The following RORA variants were observed in gnomAD, a reference collection of about 807,000 sequenced individuals.
The protein encoded by RORA is RAR related orphan receptor A, also known as nuclear receptor ROR-alpha.
Under a neutral mutation model 69.5 loss-of-function variants are expected in RORA, and 7 were observed. The observed-to-expected ratio is 0.10, with a 90% CI of 0.06 to 0.19. The LOEUF (loss-of-function observed/expected upper bound fraction) is 0.19. Among genes scored for constraint, RORA ranks in the 10% least tolerant of loss-of-function variants. The probability of loss-of-function intolerance (pLI) is 1.00; values close to 1 mark genes in which losing one functional copy is unlikely to be tolerated. For synonymous variants in RORA, 261 were observed against 240.8 expected (o/e 1.08, Z -0.78); for missense variants, 457 against 663.0 (o/e 0.69, Z 3.41).
chr15:60,558,284 G>A, intron 2 of RORA: 1 of 1,612,422 alleles, frequency 6.2e-7, no homozygotes, highest in Non-Finnish European at 8.5e-7. Flanking sequence ...TGGAGTATTT[G>A]GAGAATCCCA....
At chr15:61,099,117 C>T (rs868167223) in intron 1 of RORA, among the ~76,000 whole-genome samples, 28 of 152,130 alleles carry the variant, frequency 1.8e-4, no homozygotes, top group Admixed American at 5.9e-4. Flanking sequence ...TTATCTTTCA[C>T]GTATTGTCAA....
chr15:60,491,488 A>T lies in RORA; in HGVS notation c.*5967T>A, dbSNP rs1424686081. Reference sequence around the variant, plus strand: ...ATTCACTTTCTCAATATAAGACTCCATGTTATGTTGCATCACTGACAAAAG... The same window carrying T: ...ATTCACTTTCTCAATATAAGACTCCTTGTTATGTTGCATCACTGACAAAAG... On this transcript the variant is annotated 3_prime_UTR_variant, in exon 11 of 11. Transcript: ENST00000335670. 1 of 152,076 alleles carries T rather than the reference A, an allele frequency of 6.6e-6. No homozygotes were observed. The highest frequency in any genetic ancestry group is 2.1e-4 in the South Asian group (1 of 4,814). 9.4% of individuals were successfully genotyped at this position (152,076 alleles called of 1,614,324 possible).
intron 1 of RORA, among the ~76,000 whole-genome samples, chr15:60,823,070 C>CCCTT (rs200918597): frequency 0.043 from 5,811 of 135,668 alleles, 159 homozygotes; most frequent in Admixed American, 0.076. Context: ...TCCCCTCCCT[C>CCCTT]CCTTCCTTCC....
At chr15:60,985,358 T>A (rs2140364190) in intron 1 of RORA, among the ~76,000 whole-genome samples, 1 of 151,388 alleles carries the variant, frequency 6.6e-6, no homozygotes, top group African/African-American at 2.4e-5. Context: ...TTTTTTAAAT[T>A]AGGTAGAAAA....
Position 60,640,359 on chromosome 15 carries a change from A to G in RORA, c.196+38298T>C, listed in dbSNP as rs117804662. Among the ~76,000 whole-genome samples, 80 of 152,298 alleles carry G rather than the reference A, an allele frequency of 5.3e-4. 1 individual carries two copies. In the East Asian group the frequency reaches 0.013, roughly 25 times the overall value. On this transcript the variant is annotated intron_variant, in intron 2 of 10. Coordinates refer to ENST00000335670, the MANE Select transcript of RORA (RefSeq NM_134261.3). ...TTGTCATTGCTGCCATGTCAGTCCA[A>G]CGTGTAGGCCGTTGCGATGCCTTCC...
At chr15:60,938,481 C>T (rs1217670487) in intron 1 of RORA, among the ~76,000 whole-genome samples, 1 of 152,096 alleles carries the variant, frequency 6.6e-6, no homozygotes, top group African/African-American at 2.4e-5. Flanking sequence ...GCTTAGAGGT[C>T]GTGTGCAAAG....
intron 1 of RORA, among the ~76,000 whole-genome samples, chr15:60,731,167 A>C (rs1194210646): frequency 1.3e-5 from 2 of 152,230 alleles, no homozygotes; most frequent in Non-Finnish European, 2.9e-5. Flanking sequence ...AGCCATATGG[A>C]GTAAACAACT....
intron 1 of RORA, among the ~76,000 whole-genome samples, chr15:60,858,674 C>T (rs1239808716): frequency 8.2e-6 from 1 of 122,066 alleles, no homozygotes; most frequent in East Asian, 2.3e-4. Flanking sequence ...TTTTCAGATT[C>T]ATTAAAAAGA....
At chr15:60,638,394 T>C (rs1472952272) in intron 2 of RORA, among the ~76,000 whole-genome samples, 8 of 151,478 alleles carry the variant, frequency 5.3e-5, no homozygotes, top group African/African-American at 1.9e-4. Context: ...TTCTTTTTTT[T>C]TTTTTTTTGT....
intron 2 of RORA, chr15:60,593,111 A>C (rs2068587823): frequency 3.1e-6 from 1 of 327,772 alleles, no homozygotes; most frequent in Non-Finnish European, 6.0e-6. Context: ...AGCTCCTCCG[A>C]AGTCTTTCTG....
intron 1 of RORA, among the ~76,000 whole-genome samples, chr15:61,067,889 C>A (rs1331472832): frequency 6.6e-6 from 1 of 152,210 alleles, no homozygotes; most frequent in Non-Finnish European, 1.5e-5. Context: ...TTAGCCCTGT[C>A]AGATCCTTCC....
chr15:60,705,393 T>A (rs2071047094), intron 1 of RORA, among the ~76,000 whole-genome samples: 2 of 152,268 alleles, frequency 1.3e-5, no homozygotes, highest in South Asian at 2.1e-4. Context: ...ATTATCAATT[T>A]GTAGACTATC....
rs528686705 is a variant in RORA at position 60,696,523 on chromosome 15, T to C, written c.167-17837A>G. Among the ~76,000 whole-genome samples the C allele has an allele frequency of 2.0e-5, 3 of 152,312 alleles. No homozygotes were observed. In the South Asian group the frequency reaches 6.2e-4, roughly 32 times the overall value. On this transcript the variant is annotated intron_variant, in intron 1 of 10. Transcript: ENST00000335670. Reference sequence around the variant, plus strand: ...TCTGATTTCCTATAGTTTTAAAGCCTTTCCACTCTACCCTCCTTTTCTCCC... The same window carrying C: ...TCTGATTTCCTATAGTTTTAAAGCCCTTCCACTCTACCCTCCTTTTCTCCC...
intron 8 of RORA, among the ~76,000 whole-genome samples, chr15:60,502,270 G>T (rs1215343568): frequency 6.6e-6 from 1 of 152,248 alleles, no homozygotes; most frequent in African/African-American, 2.4e-5. Context: ...ATGAGTCACC[G>T]CACCTGGCCC....
chr15:60,493,994 C>A lies in RORA; in HGVS notation c.*3461G>T. On this transcript the variant is annotated 3_prime_UTR_variant, in exon 11 of 11. Coordinates refer to ENST00000335670, the MANE Select transcript of RORA (RefSeq NM_134261.3). ...ACACACACACACACACACACTCCTT[C>A]CTCACCTGACCCTCAGCCCACCCCC... The A allele has an allele frequency of 6.6e-6, 1 of 151,614 alleles. No individual in the cohort carries two copies. Among genetic ancestry groups the A allele is most frequent in the Non-Finnish European group, 1.5e-5 (1 of 68,348 alleles). The allele number at this position is 151,614 out of a possible 1,614,324, so 9.4% of individuals were successfully genotyped here.
intron 1 of RORA, among the ~76,000 whole-genome samples, chr15:60,958,567 T>C (rs1566925177): frequency 6.6e-6 from 1 of 152,168 alleles, no homozygotes; most frequent in African/African-American, 2.4e-5. Context: ...TGGAATTTTA[T>C]CCCTGTTTTA....
chr15:60,882,539 G>T (rs929515993), intron 1 of RORA, among the ~76,000 whole-genome samples: 4 of 152,064 alleles, frequency 2.6e-5, no homozygotes, highest in Admixed American at 6.5e-5. Context: ...GTTTGGAGGT[G>T]GTAGAGCTAC....
At chr15:60,640,374 C>T (rs1363599765) in intron 2 of RORA, among the ~76,000 whole-genome samples, 2 of 152,152 alleles carry the variant, frequency 1.3e-5, no homozygotes, top group Admixed American at 1.3e-4. Flanking sequence ...TAGGCCGTTG[C>T]GATGCCTTCC....
chr15:60,911,361 A>G (rs1891710556), intron 1 of RORA, among the ~76,000 whole-genome samples: 2 of 152,010 alleles, frequency 1.3e-5, no homozygotes, highest in African/African-American at 4.8e-5. Flanking sequence ...TCTCAAGGCC[A>G]TTTCCACGGC....
Sources: allele counts gnomAD v4.1 joint callset (sites outside exome capture counted in the v4.1 genomes callset), GRCh38; gene constraint gnomAD v4.1.1; transcripts MANE v1.5; gene names NCBI Gene and HGNC (gene_info 2026-07-23, HGNC 2026-07-21).